The following FAM184B variants were observed in gnomAD, a reference collection of about 807,000 sequenced individuals.
The protein encoded by FAM184B is protein FAM184B.
In FAM184B, 111 loss-of-function variants were observed where a neutral mutation model predicts 135.9. That is an observed-to-expected ratio of 0.82 (90% confidence interval 0.70 to 0.96). FAM184B has a LOEUF of 0.96. Ranked by LOEUF, FAM184B falls within the 40% of genes least tolerant of loss-of-function variation. FAM184B has a pLI of 0.00. For missense variants in FAM184B, 1,375 were observed against 1,323.9 expected, an observed-to-expected ratio of 1.04 and a Z score of -0.60; for synonymous variants, 552 against 524.8, an observed-to-expected ratio of 1.05 and a Z score of -0.71.
intron 9 of FAM184B, among the ~76,000 whole-genome samples, chr4:17,659,186 G>A (rs1406662666): frequency 4.1e-5 from 6 of 146,450 alleles, no homozygotes; most frequent in African/African-American, 1.5e-4. Flanking sequence ...ACTCACGGCA[G>A]CCTCGAACTC....
intron 7 of FAM184B, among the ~76,000 whole-genome samples, chr4:17,681,769 G>A (rs931442258): frequency 6.6e-6 from 1 of 152,126 alleles, no homozygotes; most frequent in African/African-American, 2.4e-5. Flanking sequence ...GCCTTGGGCT[G>A]CTTCCCCATG....
At chr4:17,734,187 G>A (rs1297839484) in intron 1 of FAM184B, among the ~76,000 whole-genome samples, 2 of 152,062 alleles carry the variant, frequency 1.3e-5, no homozygotes, top group African/African-American at 4.8e-5. Flanking sequence ...AATTCAAGAT[G>A]GATTAAAGAC....
intron 5 of FAM184B, among the ~76,000 whole-genome samples, chr4:17,704,397 T>A (rs960312190): frequency 6.6e-6 from 1 of 152,216 alleles, no homozygotes; most frequent in African/African-American, 2.4e-5. Flanking sequence ...CACTTTGGCA[T>A]GCTGCTGATT....
intron 1 of FAM184B, among the ~76,000 whole-genome samples, chr4:17,722,478 C>T (rs1235203513): frequency 6.6e-6 from 1 of 152,232 alleles, no homozygotes; most frequent in Non-Finnish European, 1.5e-5. Context: ...TAATTAAAAT[C>T]TCATCATTGC....
chr4:17,748,188 T>A (rs185053213), intron 1 of FAM184B, among the ~76,000 whole-genome samples: 175 of 150,966 alleles, frequency 1.2e-3, no homozygotes, highest in African/African-American at 4.1e-3. Context: ...ATACTTAGAA[T>A]GCTGCTCCAC....
chr4:17,633,858 C>A lies in FAM184B; in HGVS notation c.2920G>T (p.Val974Leu), dbSNP rs183471400. Residue 974 changes from valine to leucine, a missense_variant, in exon 17 of 18, where the codon GTG (valine) becomes TTG (leucine). Val to Leu is a conservative substitution (Grantham distance 32). Coordinates refer to ENST00000265018, the MANE Select transcript of FAM184B (RefSeq NM_015688.2). Reference protein sequence around the residue: ...KKKVEDVPSRVVSVPNLASYA... With the variant: ...KKKVEDVPSRLVSVPNLASYA... ...GAGGCGAGGTTCGGCACGCTGACCACGCGGCTGGGCACGTCCTCCACCTTC... is the reference window on the plus strand; with the variant it reads ...GAGGCGAGGTTCGGCACGCTGACCAAGCGGCTGGGCACGTCCTCCACCTTC... The A allele has an allele frequency of 1.3e-6, 2 of 1,550,714 alleles. No homozygotes were observed. The highest frequency in any genetic ancestry group is 1.7e-6 in the Non-Finnish European group (2 of 1,146,628).
At position 17,639,396 on chromosome 4, in the gene FAM184B, C is replaced by G. The variant is rs1209797636; in HGVS notation, c.2520G>C (p.Arg840Ser). Reference protein sequence around the residue: ...QEAQKLRDQRRFLEETQQAQR... With the variant: ...QEAQKLRDQRSFLEETQQAQR... ...GGGCTTGCTGAGTCTCCTCCAGGAACCTGTGGTGGATGAAAGCACAGCCAG... is the reference window on the plus strand; with the variant it reads ...GGGCTTGCTGAGTCTCCTCCAGGAAGCTGTGGTGGATGAAAGCACAGCCAG... The change falls in exon 14 of 18, where the codon AGG (arginine) becomes AGC (serine). Residue 840 changes from arginine to serine, a missense_variant and splice_region_variant. Coordinates refer to ENST00000265018, the MANE Select transcript of FAM184B (RefSeq NM_015688.2). 3 of 1,551,526 alleles carry G rather than the reference C, an allele frequency of 1.9e-6. No homozygotes were observed. In the Admixed American group the frequency reaches 5.9e-5, roughly 30 times the overall value.
chr4:17,671,490 G>A (rs771374977), intron 7 of FAM184B, among the ~76,000 whole-genome samples: 42 of 152,038 alleles, frequency 2.8e-4, no homozygotes, highest in Non-Finnish European at 4.4e-4. Flanking sequence ...AGTTGGTAGA[G>A]ACCCCCATTA....
rs139000796 is a variant in FAM184B, at chr4:17,728,156, C to T, written c.142-18512G>A. ...TATCCAGGAATTATGGTCATAATGACGATGACAATCACGACGAAGGTAGTG... is the reference window on the plus strand; with the variant it reads ...TATCCAGGAATTATGGTCATAATGATGATGACAATCACGACGAAGGTAGTG... On this transcript the variant is annotated intron_variant, in intron 1 of 17. Coordinates refer to ENST00000265018, the MANE Select transcript of FAM184B (RefSeq NM_015688.2). Among the ~76,000 whole-genome samples, 17 of 152,126 alleles carry T rather than the reference C, an allele frequency of 1.1e-4. No individual in the cohort carries two copies. The East Asian group carries it at 2.1e-3, about 19-fold the overall frequency.
chr4:17,716,175 G>A (rs898921487), intron 1 of FAM184B, among the ~76,000 whole-genome samples: 4 of 152,114 alleles, frequency 2.6e-5, no homozygotes, highest in African/African-American at 9.7e-5. Context: ...GTGCAATGTG[G>A]AGATGTGTGC....
rs1278141048 is a variant in FAM184B at position 17,705,832 on chromosome 4, C to G, written c.1090G>C (p.Glu364Gln). 2 of 1,552,170 alleles carry G rather than the reference C, an allele frequency of 1.3e-6. No homozygotes were observed. Among genetic ancestry groups the G allele is most frequent in the South Asian group, 1.2e-5 (1 of 84,064 alleles). Residue 364 changes from glutamate to glutamine, a missense_variant, in exon 4 of 18, where the codon GAA (glutamate) becomes CAA (glutamine). Glu to Gln is a conservative substitution (Grantham distance 29). Coordinates refer to ENST00000265018, the MANE Select transcript of FAM184B (RefSeq NM_015688.2). ...NKVLREENDL[E>Q]AGNLHPQQDQ... is the part of the protein sequence containing the mutation. ...TGCTGAGGATGAAGATTGCCGGCTT[C>G]CAAGTCATTCTCTTCCCGCAGGACT... is the stretch of plus-strand genomic sequence containing the variant.
At chr4:17,706,042 G>A (rs1202534858) in intron 3 of FAM184B, among the ~76,000 whole-genome samples, 151 bp from the exon 4 acceptor site, 3 of 152,186 alleles carry the variant, frequency 2.0e-5, no homozygotes, top group Non-Finnish European at 4.4e-5. Context: ...TGACCCCGAA[G>A]CATGGTCAAG....
chr4:17,637,451 G>A (rs754795402), intron 14 of FAM184B, among the ~76,000 whole-genome samples: 6 of 152,192 alleles, frequency 3.9e-5, no homozygotes, highest in African/African-American at 9.6e-5. Flanking sequence ...GAGATGACCC[G>A]GCTCTAATAC....
intron 1 of FAM184B, among the ~76,000 whole-genome samples, chr4:17,766,072 G>T (rs1011504840): frequency 2.6e-5 from 4 of 152,236 alleles, no homozygotes; most frequent in Non-Finnish European, 5.9e-5. Flanking sequence ...CAGGCCCAAA[G>T]AGTAAGCCAC....
intron 1 of FAM184B, among the ~76,000 whole-genome samples, chr4:17,753,656 T>A (rs958038309): frequency 6.6e-6 from 1 of 152,172 alleles, no homozygotes; most frequent in Non-Finnish European, 1.5e-5. Flanking sequence ...CAATGTTTGC[T>A]GAGAGGGCTG....
intron 1 of FAM184B, among the ~76,000 whole-genome samples, chr4:17,727,668 T>C (rs1035565453): frequency 1.3e-5 from 2 of 152,016 alleles, no homozygotes; most frequent in Admixed American, 1.3e-4. Flanking sequence ...CATTTTCAGA[T>C]CAACAGAACT....
chr4:17,693,314 A>T lies in FAM184B; in HGVS notation c.1476T>A (p.Asn492Lys), dbSNP rs1318428432. The T allele has an allele frequency of 6.4e-7, 1 of 1,551,398 alleles. No individual in the cohort carries two copies. Among genetic ancestry groups the T allele is most frequent in the Non-Finnish European group, 8.7e-7 (1 of 1,146,762 alleles). Residue 492 changes from asparagine to lysine, a missense_variant, in exon 6 of 18, where the codon AAT (asparagine) becomes AAA (lysine). By Grantham distance (94) the Asn-to-Lys change is moderately conservative. Coordinates refer to ENST00000265018, the MANE Select transcript of FAM184B (RefSeq NM_015688.2). ...EKAALNVKLQ[N>K]SLLEVLRLEE... Reference sequence around the variant, plus strand: ...GGTCAGGGCTCACCTCAAGCAGAGAATTCTGAAGCTTCACATTGAGGGCTG... The same window carrying T: ...GGTCAGGGCTCACCTCAAGCAGAGATTTCTGAAGCTTCACATTGAGGGCTG...
intron 1 of FAM184B, among the ~76,000 whole-genome samples, chr4:17,725,095 G>A (rs556679816): frequency 4.6e-5 from 7 of 152,224 alleles, no homozygotes; most frequent in East Asian, 1.9e-4. Flanking sequence ...TCATGACTTC[G>A]TCACCTTTGT....
Position 17,632,608 on chromosome 4 carries a change from G to T in FAM184B, c.3107C>A (p.Thr1036Lys). ...KTATRTPDGE[T>K]AQAKEVQQKQ... is the part of the protein sequence containing the mutation. ...CTGCTGGACTTCTTTGGCTTGGGCC[G>T]TTTCACCATCTGGGGTCCTAAAAGC... Residue 1036 changes from threonine (T) to lysine (K), a missense_variant, in exon 18 of 18, where the codon ACG (threonine) becomes AAG (lysine). Coordinates refer to ENST00000265018, the MANE Select transcript of FAM184B (RefSeq NM_015688.2). 1.3e-6 allele frequency: 2 copies of T among 1,550,176 alleles called. No individual in the cohort carries two copies. The highest frequency in any genetic ancestry group is 1.7e-6 in the Non-Finnish European group (2 of 1,146,346).
Sources: gnomAD v4.1 joint callset for allele counts (sites outside exome capture counted in the v4.1 genomes callset) on GRCh38, gnomAD v4.1.1 for gene constraint, MANE v1.5 for transcripts, NCBI Gene and HGNC (gene_info 2026-07-23, HGNC 2026-07-21) for gene names.